MYT1L: variants seen among roughly 807,000 people sequenced by gnomAD.
MYT1L encodes the protein myelin transcription factor 1 like.
MYT1L carries 12 observed loss-of-function variants against 126.7 expected under a neutral mutation model. That is an observed-to-expected ratio of 0.09 (90% CI 0.06 to 0.15). The LOEUF (loss-of-function observed/expected upper bound fraction) is 0.15. Among genes scored for constraint, MYT1L ranks in the 10% least tolerant of loss-of-function variants. The probability of loss-of-function intolerance (pLI) is 1.00; values close to 1 mark genes in which losing one functional copy is unlikely to be tolerated. For synonymous variants in MYT1L, 541 were observed against 604.2 expected (o/e 0.90, Z 1.53); for missense variants, 979 against 1,585.2 (o/e 0.62, Z 6.49).
In MYT1L at chr2:2,162,973, C is replaced by T. The variant is rs73913234; in HGVS notation, c.-304+9899G>A. The stretch of plus-strand genomic sequence containing the variant: ...AAAGGTGGCAAATAAATTTACTGCC[C>T]GCACTGATAAAAGTAGAAGTGGAGG... On this transcript the variant is annotated intron_variant, in intron 3 of 24. Transcript: ENST00000647738. Among the ~76,000 whole-genome samples, 1,336 of 152,102 alleles carry T rather than the reference C, an allele frequency of 8.8e-3. 20 individuals are homozygous for T. The highest frequency in any genetic ancestry group is 0.027 in the African/African-American group (1,100 of 41,474).
At chr2:2,307,945 A>G (rs2095881923) in intron 1 of MYT1L, among the ~76,000 whole-genome samples, 1 of 151,672 alleles carries the variant, frequency 6.6e-6, no homozygotes. Flanking sequence ...TGTACACTTC[A>G]GTACACTCCA....
In MYT1L at chr2:2,180,738, CTGTG is replaced by C. The variant is rs201163506; in HGVS notation, c.-420-7754_-420-7751del. Among the ~76,000 whole-genome samples the C allele has an allele frequency of 9.0e-3, 1,279 of 142,702 alleles. 17 individuals are homozygous for C. The highest frequency in any genetic ancestry group is 0.029 in the African/African-American group (1,094 of 38,014). The allele number at this position is 142,702 out of a possible 152,430, so 93.6% of individuals were successfully genotyped here. The stretch of plus-strand genomic sequence containing the variant: ...TGTACCTGTGTGCCTGCATGTGTGC[CTGTG>C]TGTGTGCTTGTGCATGTACCTGTAC... On this transcript the variant is annotated intron_variant, in intron 2 of 24. Coordinates refer to ENST00000647738, the MANE Select transcript of MYT1L (RefSeq NM_001303052.2).
chr2:2,075,624 T>C (rs2075135068), intron 3 of MYT1L, among the ~76,000 whole-genome samples: 1 of 152,226 alleles, frequency 6.6e-6, no homozygotes. Context: ...AACAAAACTT[T>C]GCTGAATAAG....
chr2:2,043,452 T>C (rs891300732), intron 4 of MYT1L, among the ~76,000 whole-genome samples: 85 of 152,348 alleles, frequency 5.6e-4, no homozygotes, highest in Middle Eastern at 3.4e-3. Context: ...AGCCACACCC[T>C]ACAATGTGTT....
chr2:1,975,584 C>A (rs930901429), intron 8 of MYT1L, among the ~76,000 whole-genome samples: 2 of 152,170 alleles, frequency 1.3e-5, no homozygotes, highest in African/African-American at 4.8e-5. Flanking sequence ...CAAAAATGAT[C>A]TGGGTGTGGT....
chr2:1,956,574 TTCTATCTATCTA>T lies in MYT1L; in HGVS notation c.153-13252_153-13241del, dbSNP rs72311419. Among the ~76,000 whole-genome samples, 293 of 101,588 alleles carry T rather than the reference TTCTATCTATCTA, an allele frequency of 2.9e-3. 2 individuals are homozygous for T. The highest frequency in any genetic ancestry group is 9.4e-3 in the South Asian group (30 of 3,208). 66.6% of individuals were successfully genotyped at this position (101,588 alleles called of 152,430 possible). ...CATCTATCCTATTCTATATTTCCTATTCTATCTATCTATCTATCTATCTATCTATCTATCTAT... is the reference window on the plus strand; with the variant it reads ...CATCTATCCTATTCTATATTTCCTATTCTATCTATCTATCTATCTATCTAT... On this transcript the variant is annotated intron_variant, in intron 8 of 24. Transcript: ENST00000647738.
At chr2:1,830,887 C>G (rs941272244) in intron 21 of MYT1L, among the ~76,000 whole-genome samples, 1 of 152,206 alleles carries the variant, frequency 6.6e-6, no homozygotes, top group Non-Finnish European at 1.5e-5. Context: ...GGCTGGTGGC[C>G]TGGAGCTGCT....
At chr2:2,170,280 C>T (rs997506810) in intron 3 of MYT1L, among the ~76,000 whole-genome samples, 1 of 152,248 alleles carries the variant, frequency 6.6e-6, no homozygotes, top group African/African-American at 2.4e-5. Context: ...GGTTGACAAA[C>T]TCAAGCCCAC....
chr2:2,323,283 T>C (rs1047714137), intron 1 of MYT1L, among the ~76,000 whole-genome samples: 1 of 152,178 alleles, frequency 6.6e-6, no homozygotes, highest in Non-Finnish European at 1.5e-5. Context: ...TTCACTGTTA[T>C]TGTTTAAAGC....
At chr2:2,238,688 C>A (rs1165039079) in intron 2 of MYT1L, among the ~76,000 whole-genome samples, 1 of 152,226 alleles carries the variant, frequency 6.6e-6, no homozygotes, top group Non-Finnish European at 1.5e-5. Flanking sequence ...TGTAGGAGCT[C>A]TGCTACTAAA....
chr2:2,205,002 T>C (rs1220857777), intron 2 of MYT1L, among the ~76,000 whole-genome samples: 1 of 151,072 alleles, frequency 6.6e-6, no homozygotes, highest in Non-Finnish European at 1.5e-5. Context: ...CTCAGCAAAC[T>C]AGCGCAAGGA....
intron 2 of MYT1L, among the ~76,000 whole-genome samples, chr2:2,235,399 G>A (rs1287719842): frequency 1.2e-5 from 1 of 85,048 alleles, no homozygotes; most frequent in South Asian, 3.1e-4. Flanking sequence ...TAGCTGGTTA[G>A]CTGGTTGGCA....
chr2:2,289,175 TG>T, intron 1 of MYT1L, among the ~76,000 whole-genome samples: 1 of 152,310 alleles, frequency 6.6e-6, no homozygotes, highest in East Asian at 1.9e-4. Flanking sequence ...CCCTTAACCC[TG>T]AGAAAATCCC....
intron 18 of MYT1L, among the ~76,000 whole-genome samples, chr2:1,875,095 G>A (rs1335009296): frequency 6.6e-6 from 1 of 152,240 alleles, no homozygotes; most frequent in Non-Finnish European, 1.5e-5. Flanking sequence ...CATGTGCTGA[G>A]GGGCGCCATC....
chr2:2,114,514 T>C (rs561433546), intron 3 of MYT1L, among the ~76,000 whole-genome samples: 3 of 152,360 alleles, frequency 2.0e-5, no homozygotes, highest in South Asian at 4.1e-4. Context: ...AACACCTTCC[T>C]TTCCTTCATG....
At chr2:2,280,809 C>G (rs1309561536) in intron 2 of MYT1L, among the ~76,000 whole-genome samples, 1 of 152,148 alleles carries the variant, frequency 6.6e-6, no homozygotes, top group Non-Finnish European at 1.5e-5. Context: ...CCCAGAACAC[C>G]AAGCACAAAA....
intron 3 of MYT1L, among the ~76,000 whole-genome samples, chr2:2,103,509 C>T (rs2078361220): frequency 6.6e-6 from 1 of 152,244 alleles, no homozygotes; most frequent in African/African-American, 2.4e-5. Flanking sequence ...AACAGCTTGG[C>T]CATCGGCCAG....
At chr2:2,132,319 G>C (rs1342147076) in intron 3 of MYT1L, among the ~76,000 whole-genome samples, 1 of 152,076 alleles carries the variant, frequency 6.6e-6, no homozygotes, top group African/African-American at 2.4e-5. Context: ...CAAAGACTTG[G>C]AACCAACCTG....
chr2:1,943,106 C>G lies in MYT1L; in HGVS notation c.381G>C (p.Gly127=), dbSNP rs1297984335. The change falls in exon 9 of 25, where the codon GGG becomes GGC. Residue 127 remains glycine (G), a synonymous_variant. Coordinates refer to ENST00000647738, the MANE Select transcript of MYT1L (RefSeq NM_001303052.2). The surrounding 1 kb of genome is among the most constrained non-coding windows in gnomAD (Gnocchi z 4.4). ...PGDEDEEDEE[G]DREEEEEIEE... ...CGATCTCCTCCTCCTCCTCCCGGTC[C>G]CCCTCCTCGTCCTCCTCGTCCTCAT... 2.0e-6 allele frequency: 3 copies of G among 1,480,132 alleles called. No individual in the cohort carries two copies. The highest frequency in any genetic ancestry group is 2.8e-6 in the Non-Finnish European group (3 of 1,082,104). 91.7% of individuals were successfully genotyped at this position (1,480,132 alleles called of 1,614,324 possible).
Sources: allele counts gnomAD v4.1 joint callset (sites outside exome capture counted in the v4.1 genomes callset), GRCh38; gene constraint gnomAD v4.1.1; non-coding constraint Gnocchi (gnomAD v3.1); transcripts MANE v1.5; gene names NCBI Gene and HGNC (gene_info 2026-07-23, HGNC 2026-07-21).